Variants in ANK2 observed in about 807,000 individuals in gnomAD.
ANK2 encodes the protein ankyrin 2, also known as ankyrin-2.
Under a neutral mutation model 360.5 loss-of-function variants are expected in ANK2, and 83 were observed. The observed-to-expected ratio is 0.23, with a 90% CI of 0.19 to 0.28. The LOEUF (loss-of-function observed/expected upper bound fraction) is 0.28, where lower values mean the gene tolerates loss of function less well. Among genes scored for constraint, ANK2 ranks in the 10% least tolerant of loss-of-function variants. The pLI, the probability that ANK2 is intolerant of heterozygous loss-of-function variation, is 1.00. For synonymous variants in ANK2, 1,740 were observed against 1,759.5 expected (o/e 0.99, Z 0.28); for missense variants, 4,201 against 4,795.7 (o/e 0.88, Z 3.66).
At chr4:113,215,713 A>C (rs1425509396) in intron 4 of ANK2, among the ~76,000 whole-genome samples, 1 of 152,216 alleles carries the variant, frequency 6.6e-6, no homozygotes, top group Non-Finnish European at 1.5e-5. Flanking sequence ...CCATATGCCA[A>C]GCACTGTTCT....
chr4:113,198,802 T>C (rs1264246514), intron 3 of ANK2, among the ~76,000 whole-genome samples: 1 of 152,044 alleles, frequency 6.6e-6, no homozygotes, highest in Non-Finnish European at 1.5e-5. Flanking sequence ...ACCAATATTG[T>C]GAAAATAGAA....
intron 1 of ANK2, among the ~76,000 whole-genome samples, chr4:113,123,013 C>T (rs2095458717): frequency 6.6e-6 from 1 of 151,242 alleles, no homozygotes; most frequent in Non-Finnish European, 1.5e-5. Flanking sequence ...GCAATTGTGG[C>T]AAAAATAGTC....
intron 1 of ANK2, among the ~76,000 whole-genome samples, chr4:112,870,500 G>C (rs779487943): frequency 6.6e-6 from 1 of 151,990 alleles, no homozygotes; most frequent in Non-Finnish European, 1.5e-5. Flanking sequence ...ATGAGGGAGG[G>C]ATCCAAATTC....
chr4:113,159,246 T>C (rs949926644), intron 1 of ANK2, among the ~76,000 whole-genome samples: 8 of 150,760 alleles, frequency 5.3e-5, no homozygotes, highest in African/African-American at 2.0e-4. Context: ...TATATTATAT[T>C]ACAGGTAGAT....
At chr4:113,285,044 A>C (rs2153722217) in intron 18 of ANK2, among the ~76,000 whole-genome samples, 1 of 152,354 alleles carries the variant, frequency 6.6e-6, no homozygotes, top group Admixed American at 6.5e-5. Flanking sequence ...AAACCAAAAA[A>C]GATCCGTCGT....
At chr4:112,816,705 AT>A (rs1227937303), upstream of ANK2, among the ~76,000 whole-genome samples, 1 of 152,166 alleles carries the variant, frequency 6.6e-6, no homozygotes, top group Non-Finnish European at 1.5e-5. Flanking sequence ...TTAAATATTT[AT>A]TTTTCTACTT....
At chr4:113,200,505 T>C (rs1030221234) in intron 4 of ANK2, among the ~76,000 whole-genome samples, 2 of 152,310 alleles carry the variant, frequency 1.3e-5, no homozygotes. Context: ...GAGTCCCTAG[T>C]ATCTATTATT....
chr4:113,361,027 A>T (rs964950156), intron 39 of ANK2, 130 bp downstream of exon 39: 3 of 851,378 alleles, frequency 3.5e-6, no homozygotes, highest in East Asian at 2.7e-5. Context: ...TAAACTAAGA[A>T]CTAGAAAACC....
At chr4:113,016,425 A>G (rs1416081519) in intron 2 of ANK2, among the ~76,000 whole-genome samples, 1 of 152,180 alleles carries the variant, frequency 6.6e-6, no homozygotes, top group Non-Finnish European at 1.5e-5. Context: ...CAGTTTTGGT[A>G]TAATGCAAAA....
At chr4:113,350,377 A>G in intron 37 of ANK2, 128 bp downstream of exon 37, 1 of 746,832 alleles carries the variant, frequency 1.3e-6, no homozygotes, top group Non-Finnish European at 2.1e-6. Context: ...ATCCTTATTA[A>G]TCATTAATAT....
At chr4:113,077,012 AGAAG>A (rs141438391) in intron 1 of ANK2, among the ~76,000 whole-genome samples, 6,060 of 151,380 alleles carry the variant, frequency 0.04, 155 homozygotes, top group African/African-American at 0.079. Context: ...AAGGAAGGAA[AGAAG>A]GAAGGAAGGA....
At chr4:113,199,351 T>G (rs1486391501) in intron 4 of ANK2, among the ~76,000 whole-genome samples, 1 of 152,152 alleles carries the variant, frequency 6.6e-6, no homozygotes, top group Admixed American at 6.5e-5. Context: ...CTAAGTATTT[T>G]TCAAAAGAAT....
intron 8 of ANK2, 113 bp downstream of exon 8, chr4:113,240,696 G>A (rs1421076406): frequency 2.2e-6 from 2 of 915,742 alleles, no homozygotes; most frequent in African/African-American, 1.6e-5. Flanking sequence ...CCTTACCTGG[G>A]TCTGTGCTGG....
At chr4:113,168,840 TC>T (rs1380515231) in intron 1 of ANK2, among the ~76,000 whole-genome samples, 1 of 152,190 alleles carries the variant, frequency 6.6e-6, no homozygotes, top group Admixed American at 6.5e-5. Context: ...AATAGAGCAG[TC>T]CTTGGACAGA....
At chr4:112,909,746 ATT>A (rs2086466916) in intron 2 of ANK2, among the ~76,000 whole-genome samples, 1 of 152,194 alleles carries the variant, frequency 6.6e-6, no homozygotes, top group African/African-American at 2.4e-5. Context: ...CCAATTCCTT[ATT>A]TTGTGGTCAG....
intron 2 of ANK2, among the ~76,000 whole-genome samples, chr4:113,189,047 A>C (rs2153345941): frequency 6.6e-6 from 1 of 152,324 alleles, no homozygotes; most frequent in South Asian, 2.1e-4. Flanking sequence ...ATAAAATTTG[A>C]CCATTTCTCA....
At chr4:112,760,511 TC>T in the ANK2 span, among the ~76,000 whole-genome samples, 4 of 151,860 alleles carry the variant, frequency 2.6e-5, no homozygotes, top group Non-Finnish European at 1.5e-5. Context: ...CTTTTTTTTT[TC>T]TTCATTGTAT....
chr4:113,266,916 G>T (rs569865284), intron 14 of ANK2, among the ~76,000 whole-genome samples: 1 of 151,664 alleles, frequency 6.6e-6, no homozygotes, highest in South Asian at 2.1e-4. Flanking sequence ...AGCATCTGTT[G>T]TTTCATGACT....
intron 1 of ANK2, among the ~76,000 whole-genome samples, chr4:113,135,036 A>G (rs1357796255): frequency 1.3e-5 from 2 of 152,194 alleles, no homozygotes; most frequent in African/African-American, 2.4e-5. Context: ...CAAAGAATGG[A>G]GAGCTCCACC....
Sources: allele counts gnomAD v4.1 joint callset (sites outside exome capture counted in the v4.1 genomes callset), GRCh38; gene constraint gnomAD v4.1.1; transcripts MANE v1.5; gene names NCBI Gene and HGNC (gene_info 2026-07-23, HGNC 2026-07-21).